PHACTR1: variants seen among roughly 807,000 people sequenced by gnomAD.
PHACTR1 encodes RPEL repeat containing 1.
PHACTR1 carries 16 observed loss-of-function variants against 69.2 expected under a neutral mutation model. That is an observed-to-expected ratio of 0.23 (90% CI 0.16 to 0.35). The LOEUF (loss-of-function observed/expected upper bound fraction) is 0.35, where lower values mean the gene tolerates loss of function less well. Ranked by LOEUF, PHACTR1 falls within the 10% of genes least tolerant of loss-of-function variation. The pLI, the probability that PHACTR1 is intolerant of heterozygous loss-of-function variation, is 1.00. For synonymous variants in PHACTR1, 312 were observed against 284.5 expected (o/e 1.10, Z -0.97); for missense variants, 510 against 734.7 (o/e 0.69, Z 3.54).
chr6:12,879,422 G>A (rs893232415), intron 4 of PHACTR1, among the ~76,000 whole-genome samples: 14 of 152,110 alleles, frequency 9.2e-5, no homozygotes, highest in Admixed American at 5.9e-4. Context: ...GGGAACCCTC[G>A]GAGACCCCTT....
intron 8 of PHACTR1, among the ~76,000 whole-genome samples, chr6:13,226,665 A>G (rs1769769585): frequency 6.6e-6 from 1 of 152,148 alleles, no homozygotes; most frequent in Non-Finnish European, 1.5e-5. Flanking sequence ...ATCCTCAGCT[A>G]GAGGATTAAG....
chr6:13,120,678 C>T (rs1818571365), intron 5 of PHACTR1, among the ~76,000 whole-genome samples: 1 of 152,194 alleles, frequency 6.6e-6, no homozygotes, highest in East Asian at 1.9e-4. Flanking sequence ...GCCAGGATGG[C>T]TGTGGCTGCA....
At chr6:12,934,096 C>G (rs1028846786) in intron 4 of PHACTR1, 42 of 1,014,072 alleles carry the variant, frequency 4.1e-5, no homozygotes, top group Admixed American at 6.1e-5. Flanking sequence ...TAGGGAAGAA[C>G]CTTCTTGTGT....
intron 4 of PHACTR1, among the ~76,000 whole-genome samples, chr6:12,820,625 G>C (rs554677417): frequency 7.9e-5 from 12 of 152,236 alleles, no homozygotes; most frequent in African/African-American, 2.4e-4. Flanking sequence ...TGTATACTTT[G>C]AGTGTCTTTA....
At chr6:13,279,749 A>T (rs1312705855) in intron 12 of PHACTR1, 1 of 152,176 alleles carries the variant, frequency 6.6e-6, no homozygotes. Context: ...TCAAGGTTGG[A>T]CCCTTTACAT....
intron 4 of PHACTR1, among the ~76,000 whole-genome samples, chr6:13,051,978 C>T (rs938231361): frequency 6.6e-6 from 1 of 152,170 alleles, no homozygotes; most frequent in Non-Finnish European, 1.5e-5. Flanking sequence ...TCCAAATCAT[C>T]ACTGCCCTCA....
intron 10 of PHACTR1, among the ~76,000 whole-genome samples, chr6:13,259,733 G>A (rs950235201): frequency 1.3e-5 from 2 of 152,146 alleles, no homozygotes; most frequent in Non-Finnish European, 2.9e-5. Flanking sequence ...TCTGATGAGT[G>A]GTGCAGGCAG....
At chr6:12,892,707 C>T (rs1327052801) in intron 4 of PHACTR1, among the ~76,000 whole-genome samples, 1 of 152,200 alleles carries the variant, frequency 6.6e-6, no homozygotes, top group African/African-American at 2.4e-5. Flanking sequence ...AACTGAAGTT[C>T]ATTCTTCCAT....
At chr6:12,930,234 G>A (rs1477316313) in intron 4 of PHACTR1, among the ~76,000 whole-genome samples, 2 of 151,966 alleles carry the variant, frequency 1.3e-5, no homozygotes, top group African/African-American at 2.4e-5. Flanking sequence ...TTGTGGAGAC[G>A]GGGTCTTGCT....
At chr6:13,004,973 ATATT>A (rs1400365534) in intron 4 of PHACTR1, among the ~76,000 whole-genome samples, 19 of 151,880 alleles carry the variant, frequency 1.3e-4, no homozygotes, top group African/African-American at 4.6e-4. Flanking sequence ...CTTGTAATAT[ATATT>A]TAATATATTT....
intron 10 of PHACTR1, among the ~76,000 whole-genome samples, chr6:13,237,785 C>T (rs1420457269): frequency 6.6e-6 from 1 of 152,202 alleles, no homozygotes; most frequent in African/African-American, 2.4e-5. Flanking sequence ...ACACACTAGG[C>T]TAGATGGTAA....
intron 4 of PHACTR1, among the ~76,000 whole-genome samples, chr6:12,865,486 G>A (rs561389802): frequency 1.2e-4 from 18 of 152,022 alleles, no homozygotes; most frequent in East Asian, 5.8e-4. Flanking sequence ...GTGTGCCTGC[G>A]TGTGTGTAGA....
At chr6:13,124,488 C>G (rs1018942562) in intron 5 of PHACTR1, among the ~76,000 whole-genome samples, 1 of 152,110 alleles carries the variant, frequency 6.6e-6, no homozygotes, top group Non-Finnish European at 1.5e-5. Context: ...TTTTATTGTT[C>G]CTTCATACCC....
intron 4 of PHACTR1, among the ~76,000 whole-genome samples, chr6:12,751,053 G>A (rs1270093568): frequency 6.6e-6 from 1 of 152,228 alleles, no homozygotes; most frequent in East Asian, 1.9e-4. Flanking sequence ...CAGATGATGG[G>A]TATTTATGCC....
At chr6:12,875,286 C>T (rs1384751205) in intron 4 of PHACTR1, among the ~76,000 whole-genome samples, 5 of 152,220 alleles carry the variant, frequency 3.3e-5, no homozygotes, top group African/African-American at 4.8e-5. Context: ...CAGGGTTCTT[C>T]GTGCTCCATG....
intron 4 of PHACTR1, among the ~76,000 whole-genome samples, chr6:12,859,602 G>A (rs770713620): frequency 6.6e-6 from 1 of 152,150 alleles, no homozygotes; most frequent in Non-Finnish European, 1.5e-5. Context: ...GATTTGAAGG[G>A]TTTTTTAAGT....
intron 6 of PHACTR1, among the ~76,000 whole-genome samples, chr6:13,178,067 T>G (rs982345492): frequency 1.4e-4 from 21 of 152,248 alleles, no homozygotes; most frequent in African/African-American, 5.1e-4. Flanking sequence ...CAGCTCTATA[T>G]CTTAGATCCG....
chr6:13,209,416 C>G (rs1474075488), intron 8 of PHACTR1, among the ~76,000 whole-genome samples: 2 of 152,220 alleles, frequency 1.3e-5, no homozygotes, highest in African/African-American at 2.4e-5. Flanking sequence ...AGAGGCATTA[C>G]CAAACACTCA....
chr6:12,998,002 G>C (rs929178346), intron 4 of PHACTR1, among the ~76,000 whole-genome samples: 2 of 152,048 alleles, frequency 1.3e-5, no homozygotes, highest in African/African-American at 2.4e-5. Context: ...ATTAACTACA[G>C]TTACCCTAGT....
Sources: gnomAD v4.1 joint callset for allele counts (sites outside exome capture counted in the v4.1 genomes callset) on GRCh38, gnomAD v4.1.1 for gene constraint, MANE v1.5 for transcripts, NCBI Gene and HGNC (gene_info 2026-07-23, HGNC 2026-07-21) for gene names.